MGRN1: variants seen among roughly 807,000 people sequenced by gnomAD.
The protein encoded by MGRN1 is E3 ubiquitin-protein ligase MGRN1.
Under a neutral mutation model 69.2 loss-of-function variants are expected in MGRN1, and 29 were observed. That is an observed-to-expected ratio of 0.42 (90% CI 0.31 to 0.57). MGRN1 has a LOEUF of 0.57. Among genes scored for constraint, MGRN1 ranks in the 20% least tolerant of loss-of-function variants. The probability of loss-of-function intolerance (pLI) is 0.15; values close to 1 mark genes in which losing one functional copy is unlikely to be tolerated. For synonymous variants in MGRN1, 470 were observed against 344.2 expected (o/e 1.37, Z -4.04); for missense variants, 998 against 796.2 (o/e 1.25, Z -3.05).
chr16:4,648,852 G>A (rs1399745050), intron 1 of MGRN1, among the ~76,000 whole-genome samples: 6 of 122,596 alleles, frequency 4.9e-5, no homozygotes, highest in African/African-American at 1.4e-4. Flanking sequence ...GGCTCTTCCC[G>A]TGGTCACCCG....
At chr16:4,679,629 T>C (rs1300600157) in intron 11 of MGRN1, among the ~76,000 whole-genome samples, 2 of 152,216 alleles carry the variant, frequency 1.3e-5, no homozygotes, top group East Asian at 1.9e-4. Context: ...CGGCGGTGCC[T>C]GGGCACCGGC....
Position 4,680,014 on chromosome 16 carries a change from T to C in MGRN1, c.1066-18T>C, listed in dbSNP as rs769456736. ...GTGGGGGTGGTAGTTGTAAAACATA[T>C]GATTTTTATCTTGACAGTGTCCCTT... On this transcript the variant is annotated intron_variant, in intron 11 of 16. Coordinates refer to ENST00000262370, the MANE Select transcript of MGRN1 (RefSeq NM_015246.4). The C allele has an allele frequency of 1.6e-5, 26 of 1,612,922 alleles. No homozygotes were observed. Among genetic ancestry groups the C allele is most frequent in the Admixed American group, 3.3e-5 (2 of 59,910 alleles).
Position 4,688,894 on chromosome 16 carries a change from C to T in MGRN1, c.1717C>T (p.Leu573=), listed in dbSNP as rs1277308404. Residue 573 remains leucine, a synonymous_variant, in exon 17 of 17, where the codon CTG becomes TTG. Transcript: ENST00000262370. ...CAGCCCCGATCCCAGCGCCGCCGAGCTGACCCCACTCTGAGAGCCTGGCCG... is the reference window on the plus strand; with the variant it reads ...CAGCCCCGATCCCAGCGCCGCCGAGTTGACCCCACTCTGAGAGCCTGGCCG... The part of the protein sequence containing the change: ...GPSPDPSAAE[L]TPL 2 of 1,548,550 alleles carry T rather than the reference C, an allele frequency of 1.3e-6. 1 individual carries two copies. The highest frequency in any genetic ancestry group is 2.4e-5 in the South Asian group (2 of 84,216).
intron 1 of MGRN1, among the ~76,000 whole-genome samples, chr16:4,631,895 G>C (rs1898019447): frequency 1.9e-5 from 1 of 53,358 alleles, no homozygotes; most frequent in African/African-American, 6.2e-5. Context: ...TTGATATTTA[G>C]CTTCTCAGTT....
chr16:4,656,098 A>T (rs966623147), intron 4 of MGRN1, among the ~76,000 whole-genome samples: 2 of 152,218 alleles, frequency 1.3e-5, no homozygotes, highest in Non-Finnish European at 2.9e-5. Flanking sequence ...AGCCCTGGCC[A>T]CAGGCAAGCA....
chr16:4,687,043 C>G (rs1300841575), intron 16 of MGRN1: 1 of 985,672 alleles, frequency 1.0e-6, no homozygotes, highest in African/African-American at 1.7e-5. Context: ...GTCAGCATGG[C>G]CACCGTGGGC....
chr16:4,670,214 C>T (rs1567219588), intron 8 of MGRN1, among the ~76,000 whole-genome samples: 1 of 151,950 alleles, frequency 6.6e-6, no homozygotes, highest in Non-Finnish European at 1.5e-5. Context: ...AGGTGTGCGC[C>T]ACCACAGTTG....
chr16:4,688,582 G>A (rs1235877483), intron 16 of MGRN1: 52 of 1,298,774 alleles, frequency 4.0e-5, no homozygotes, highest in East Asian at 5.8e-5. Flanking sequence ...ATCTGGGATC[G>A]TCTGTCCCAA....
At position 4,652,904 on chromosome 16, in the gene MGRN1, C is replaced by G. The variant is rs2078441407; in HGVS notation, c.443+80C>G. The G allele has an allele frequency of 3.0e-5, 44 of 1,447,098 alleles. No individual in the cohort carries two copies. The South Asian group carries it at 5.6e-4, about 18-fold the overall frequency. The allele number at this position is 1,447,098 out of a possible 1,614,324, so 89.6% of individuals were successfully genotyped here. A position where few individuals can be genotyped will look rare whatever the true frequency, so the allele number is the denominator to read the frequency against. On this transcript the variant is annotated intron_variant, in intron 4 of 16. Coordinates refer to ENST00000262370, the MANE Select transcript of MGRN1 (RefSeq NM_015246.4). The stretch of plus-strand genomic sequence containing the variant: ...GGAGGCTTCTGTCCACCTTACTAAC[C>G]AGAGGGAGAAAACCAAACCGTGCTC...
At chr16:4,681,308 A>G in intron 12 of MGRN1, 1 of 539,178 alleles carries the variant, frequency 1.9e-6, no homozygotes, top group South Asian at 2.5e-5. Flanking sequence ...GGTTCTTGGC[A>G]GATGCCCTCG....
At chr16:4,683,150 C>G in intron 14 of MGRN1, 74 bp from the exon 15 acceptor site, 1 of 1,584,530 alleles carries the variant, frequency 6.3e-7, no homozygotes, top group South Asian at 1.1e-5. Context: ...GAGGGCCGTG[C>G]CTGATGGCGG....
intron 1 of MGRN1, among the ~76,000 whole-genome samples, chr16:4,636,223 C>A (rs550097589): frequency 6.6e-6 from 1 of 152,096 alleles, no homozygotes; most frequent in Non-Finnish European, 1.5e-5. Context: ...CTATTGTCCC[C>A]TTCTGAACAA....
intron 1 of MGRN1, among the ~76,000 whole-genome samples, chr16:4,632,024 T>C (rs1898032395): frequency 6.9e-6 from 1 of 144,056 alleles, no homozygotes; most frequent in Admixed American, 6.9e-5. Flanking sequence ...TTTTTTTTTT[T>C]TTTTTTTGAG....
At chr16:4,668,772 A>G (rs1314680281) in intron 8 of MGRN1, among the ~76,000 whole-genome samples, 3 of 151,946 alleles carry the variant, frequency 2.0e-5, no homozygotes, top group Non-Finnish European at 2.9e-5. Flanking sequence ...TCACACACAC[A>G]TAGACATTCA....
intron 1 of MGRN1, among the ~76,000 whole-genome samples, chr16:4,629,917 A>C (rs1897909906): frequency 6.6e-6 from 1 of 151,024 alleles, no homozygotes; most frequent in Non-Finnish European, 1.5e-5. Context: ...GCAATGGCGC[A>C]CGCCCGTAAT....
Position 4,683,852 on chromosome 16 carries a change from C to T in MGRN1, c.1538C>T (p.Ala513Val). Residue 513 changes from alanine to valine, a missense_variant, in exon 16 of 17, where the codon GCA becomes GTA. Ala to Val is a moderately conservative substitution (Grantham distance 64). Transcript: ENST00000262370. ...ESSSPQQGTR[A>V]ASIENVLQDS... is the part of the protein sequence containing the mutation. ...CACCCTCTGCCTGCAGGGACCCGAG[C>T]AGCTTCCATTGAGAATGTCCTGCAG... 1 of 1,612,678 alleles carries T rather than the reference C, an allele frequency of 6.2e-7. No individual in the cohort carries two copies. The highest frequency in any genetic ancestry group is 8.5e-7 in the Non-Finnish European group (1 of 1,179,662).
At chr16:4,668,917 G>GACAT (rs140905125) in intron 8 of MGRN1, among the ~76,000 whole-genome samples, 1 of 151,268 alleles carries the variant, frequency 6.6e-6, no homozygotes, top group African/African-American at 2.4e-5. Context: ...CACATATACA[G>GACAT]ACATACATAC....
intron 1 of MGRN1, among the ~76,000 whole-genome samples, chr16:4,646,844 G>T (rs950368067): frequency 1.3e-5 from 2 of 152,198 alleles, no homozygotes; most frequent in African/African-American, 4.8e-5. Context: ...CTGGGAGGAG[G>T]TTGGAGCAGG....
In MGRN1 at chr16:4,688,043, G is replaced by A. The variant is rs1268552080; in HGVS notation, c.1619-753G>A. ...GGGAGTGCAGGTGTGATCTAGAACAGGGCTCACAGCCTCGGAAACCTGCTC... is the reference window on the plus strand; with the variant it reads ...GGGAGTGCAGGTGTGATCTAGAACAAGGCTCACAGCCTCGGAAACCTGCTC... On this transcript the variant is annotated intron_variant, in intron 16 of 16. Coordinates refer to ENST00000262370, the MANE Select transcript of MGRN1 (RefSeq NM_015246.4). 4 of 985,428 alleles carry A rather than the reference G, an allele frequency of 4.1e-6. No individual in the cohort carries two copies. The African/African-American group carries it at 7.0e-5, about 17-fold the overall frequency. The allele number at this position is 985,428 out of a possible 1,614,324, so 61.0% of individuals were successfully genotyped here.
Sources: gnomAD v4.1 joint callset for allele counts (sites outside exome capture counted in the v4.1 genomes callset) on GRCh38, gnomAD v4.1.1 for gene constraint, MANE v1.5 for transcripts, NCBI Gene and HGNC (gene_info 2026-07-23, HGNC 2026-07-21) for gene names.